Variants in PLA2G4C observed in about 807,000 individuals in gnomAD.
The protein encoded by PLA2G4C is phospholipase A2 group IVC, also known as cytosolic phospholipase A2 gamma.
In PLA2G4C, 64 loss-of-function variants were observed where a neutral mutation model predicts 73.8. The observed-to-expected ratio is 0.87, with a 90% confidence interval of 0.71 to 1.07. PLA2G4C has a LOEUF of 1.07. Among genes scored for constraint, PLA2G4C ranks in the 50% least tolerant of loss-of-function variants. The pLI is 0.00. For missense variants in PLA2G4C, 622 were observed against 665.4 expected, an observed-to-expected ratio of 0.93 and a Z score of 0.72; for synonymous variants, 254 against 252.1, an observed-to-expected ratio of 1.01 and a Z score of -0.07.
intron 10 of PLA2G4C, among the ~76,000 whole-genome samples, chr19:48,083,849 A>C (rs889836086): frequency 1.3e-5 from 2 of 152,158 alleles, no homozygotes; most frequent in East Asian, 3.9e-4. Context: ...TCAGGCAGAC[A>C]GGCTTTGGAT....
At chr19:48,075,780 C>A (rs1231512918) in intron 11 of PLA2G4C, among the ~76,000 whole-genome samples, 1 of 152,064 alleles carries the variant, frequency 6.6e-6, no homozygotes, top group Non-Finnish European at 1.5e-5. Flanking sequence ...GTTGCCATTT[C>A]TTTTTTGTTG....
intron 12 of PLA2G4C, among the ~76,000 whole-genome samples, chr19:48,068,331 G>A (rs1335975820): frequency 1.3e-5 from 2 of 151,224 alleles, no homozygotes; most frequent in Non-Finnish European, 2.9e-5. Context: ...AAAAAGTGGG[G>A]GGGTCATTCA....
chr19:48,092,634 C>T (rs1307099317), intron 7 of PLA2G4C, among the ~76,000 whole-genome samples: 1 of 152,170 alleles, frequency 6.6e-6, no homozygotes, highest in East Asian at 1.9e-4. Context: ...AGTCATTTTC[C>T]TCAGTGAAAT....
chr19:48,070,424 A>G (rs1164412755), intron 12 of PLA2G4C, among the ~76,000 whole-genome samples: 1 of 152,196 alleles, frequency 6.6e-6, no homozygotes, highest in Non-Finnish European at 1.5e-5. Flanking sequence ...TGGAGCGTCA[A>G]ATTCTGCCTC....
chr19:48,077,918 A>G, intron 10 of PLA2G4C, 94 bp from the exon 11 acceptor site: 1 of 991,982 alleles, frequency 1.0e-6, no homozygotes, highest in Non-Finnish European at 1.5e-6. Flanking sequence ...TTTAATAGAA[A>G]TGGCAGCCAT....
chr19:48,105,240 G>A, intron 3 of PLA2G4C, 93 bp downstream of exon 3: 3 of 783,006 alleles, frequency 3.8e-6, no homozygotes, highest in Non-Finnish European at 6.5e-6. Flanking sequence ...ATATCCTTCG[G>A]TCCAGCTCTC....
At position 48,062,083 on chromosome 19, in the gene PLA2G4C, T is replaced by C. The variant is rs778989138; in HGVS notation, c.1172A>G (p.Asn391Ser). ...GGGCAGCACGAGTGGGAAGGGAGTG[T>C]TGATGGCTAAACCAGCATCCACCAG... is the stretch of plus-strand genomic sequence containing the variant. ...LHLVDAGLAI[N>S]TPFPLVLPPT... is the part of the protein sequence containing the mutation. The change falls in exon 14 of 17, where the codon AAC (asparagine) becomes AGC (serine). Residue 391 changes from asparagine (N) to serine (S), a missense_variant. Physicochemically the swap from Asn to Ser is conservative, Grantham distance 46. Coordinates refer to ENST00000599921, the MANE Select transcript of PLA2G4C (RefSeq NM_003706.3). The C allele has an allele frequency of 3.4e-5, 55 of 1,613,000 alleles. No homozygotes were observed. Among genetic ancestry groups the C allele is most frequent in the Non-Finnish European group, 4.7e-5 (55 of 1,179,552 alleles).
At position 48,102,094 on chromosome 19, in the gene PLA2G4C, T is replaced by C. The variant is rs191939498; in HGVS notation, c.258-2234A>G. Among the ~76,000 whole-genome samples, 3 of 152,234 alleles carry C rather than the reference T, an allele frequency of 2.0e-5. 1 individual carries two copies. Among genetic ancestry groups the C allele is most frequent in the South Asian group, 4.2e-4 (2 of 4,778 alleles). On this transcript the variant is annotated intron_variant, in intron 4 of 16. Transcript: ENST00000599921. The stretch of plus-strand genomic sequence containing the variant: ...ATGTCAAATATCTCATTAACAATTT[T>C]TTTCTTAACGATGTGTCAAAATGCT...
chr19:48,099,602 T>A, intron 5 of PLA2G4C, 69 bp downstream of exon 5: 1 of 1,127,192 alleles, frequency 8.9e-7, no homozygotes, highest in Non-Finnish European at 1.3e-6. Flanking sequence ...TCAGCATCTT[T>A]GGTAACCCCA....
At chr19:48,052,972 A>C (rs1382679838) in intron 16 of PLA2G4C, 25 bp downstream of exon 16, 1 of 1,586,616 alleles carries the variant, frequency 6.3e-7, no homozygotes, top group African/African-American at 1.3e-5. Context: ...CATAGGCATC[A>C]GAGCGACTAT....
chr19:48,106,931 G>A (rs1481931420), intron 1 of PLA2G4C, among the ~76,000 whole-genome samples: 3 of 151,944 alleles, frequency 2.0e-5, no homozygotes, highest in Non-Finnish European at 4.4e-5. Flanking sequence ...TGCATCCTCC[G>A]CCTCCCGGGT....
chr19:48,102,230 C>A (rs2031957289), intron 4 of PLA2G4C, among the ~76,000 whole-genome samples: 1 of 151,992 alleles, frequency 6.6e-6, no homozygotes, highest in Admixed American at 6.6e-5. Flanking sequence ...GTGGCTTACA[C>A]CTGTAATTCC....
intron 9 of PLA2G4C, among the ~76,000 whole-genome samples, chr19:48,085,500 TG>T (rs2030921297): frequency 6.6e-6 from 1 of 152,156 alleles, no homozygotes; most frequent in Non-Finnish European, 1.5e-5. Flanking sequence ...TGCAGATTTA[TG>T]GGGGCACTTC....
chr19:48,052,617 C>T (rs181644785), intron 16 of PLA2G4C, among the ~76,000 whole-genome samples: 8 of 152,124 alleles, frequency 5.3e-5, no homozygotes, highest in African/African-American at 1.7e-4. Flanking sequence ...AGTGTGAAAA[C>T]GGACCAATAT....
intron 6 of PLA2G4C, chr19:48,097,244 C>CGTTTTTTTTTTTTT (rs1568449148): frequency 4.5e-5 from 3 of 66,630 alleles, no homozygotes; most frequent in African/African-American, 2.1e-4. Flanking sequence ...TTACTTTTTT[C>CGTTTTTTTTTTTTT]TTTTTTCTTT....
In PLA2G4C at chr19:48,072,298, C is replaced by T. The variant is rs1161509494; in HGVS notation, c.1006+2469G>A. 6.6e-6 allele frequency: 1 copy of T among 152,328 alleles called. No individual in the cohort carries two copies. Among genetic ancestry groups the T allele is most frequent in the Non-Finnish European group, 1.5e-5 (1 of 68,160 alleles). 9.4% of individuals were successfully genotyped at this position (152,328 alleles called of 1,614,324 possible). A position where few individuals can be genotyped will look rare whatever the true frequency, so the allele number is the denominator to read the frequency against. On this transcript the variant is annotated intron_variant, in intron 12 of 16. Coordinates refer to ENST00000599921, the MANE Select transcript of PLA2G4C (RefSeq NM_003706.3). This position sits in a 1 kb window ranked among gnomAD's most constrained non-coding sequence, Gnocchi z 4.4. ...CTGGGCTTAAGGAATCCTCCCACCT[C>T]AGCCTCCCCGAATAGCTGGGACTAC...
chr19:48,088,593 C>A (rs1600225859), intron 9 of PLA2G4C, 93 bp downstream of exon 9: 3 of 847,200 alleles, frequency 3.5e-6, no homozygotes, highest in Non-Finnish European at 4.0e-6. Flanking sequence ...CCAAATGAAT[C>A]ATACATGTAA....
chr19:48,105,328 C>T lies in PLA2G4C; in HGVS notation c.120+5G>A. The T allele has an allele frequency of 1.9e-6, 3 of 1,603,760 alleles. No homozygotes were observed. The highest frequency in any genetic ancestry group is 2.6e-6 in the Non-Finnish European group (3 of 1,172,238). On this transcript the variant is annotated splice_donor_5th_base_variant and intron_variant, in intron 3 of 16. Transcript: ENST00000599921. ...CTCTGGGGCCACCCTCCTCCCCTCA[C>T]TTACCTCATCAGCCTCAATCCTTAG...
At chr19:48,051,795 G>A (rs1398758158) in intron 16 of PLA2G4C, 1 of 151,642 alleles carries the variant, frequency 6.6e-6, no homozygotes, top group Non-Finnish European at 1.5e-5. Flanking sequence ...GATATCTGTG[G>A]CCTTTTATCT....
Sources: allele counts gnomAD v4.1 joint callset (sites outside exome capture counted in the v4.1 genomes callset), GRCh38; gene constraint gnomAD v4.1.1; non-coding constraint Gnocchi (gnomAD v3.1); transcripts MANE v1.5; gene names NCBI Gene and HGNC (gene_info 2026-07-23, HGNC 2026-07-21).